Variants in PATJ observed in about 807,000 individuals in gnomAD.
PATJ encodes inaD-like protein.
A neutral mutation model predicts 224.9 loss-of-function variants in PATJ; 190 were observed. The ratio of observed to expected loss-of-function variants is 0.84; its 90% CI spans 0.75 to 0.95. The LOEUF (loss-of-function observed/expected upper bound fraction) is 0.95. PATJ is among the 40% of genes least tolerant of loss of function. The pLI is 0.00. For missense variants in PATJ, 2,121 were observed against 2,270.3 expected (o/e 0.93, Z 1.34); for synonymous variants, 769 against 820.3 (o/e 0.94, Z 1.07).
At chr1:61,900,522 G>T (rs1230485474) in intron 23 of PATJ, among the ~76,000 whole-genome samples, 4 of 152,182 alleles carry the variant, frequency 2.6e-5, no homozygotes, top group African/African-American at 9.7e-5. Context: ...GAGCCACTCA[G>T]TGGCTAATTT....
intron 6 of PATJ, among the ~76,000 whole-genome samples, chr1:61,773,514 C>T (rs955733325): frequency 6.8e-6 from 1 of 148,008 alleles, no homozygotes; most frequent in African/African-American, 2.5e-5. Flanking sequence ...TGGCCAGGCA[C>T]AGTGGCTCAT....
At chr1:61,906,670 G>A (rs1671904572) in intron 24 of PATJ, among the ~76,000 whole-genome samples, 1 of 152,050 alleles carries the variant, frequency 6.6e-6, no homozygotes, top group South Asian at 2.1e-4. Flanking sequence ...TCCTACTGTT[G>A]ATCCTCTTTC....
intron 21 of PATJ, among the ~76,000 whole-genome samples, chr1:61,883,168 T>C (rs1455364345): frequency 2.0e-5 from 3 of 152,206 alleles, no homozygotes; most frequent in African/African-American, 7.2e-5. Flanking sequence ...TTTCTTAACA[T>C]GATAATTGTA....
chr1:62,130,917 G>A (rs1666197883), intron 41 of PATJ, among the ~76,000 whole-genome samples: 1 of 152,158 alleles, frequency 6.6e-6, no homozygotes, highest in African/African-American at 2.4e-5. Context: ...TCTCTGTGGT[G>A]TAAGTCCAAA....
At chr1:61,810,609 A>G (rs2148644645) in intron 14 of PATJ, among the ~76,000 whole-genome samples, 1 of 152,178 alleles carries the variant, frequency 6.6e-6, no homozygotes, top group South Asian at 2.1e-4. Flanking sequence ...AGGGAGGAGA[A>G]TCGCTTGAAC....
At chr1:62,079,343 C>A (rs1235420212) in intron 31 of PATJ, 107 bp from the exon 32 acceptor site, 6 of 676,810 alleles carry the variant, frequency 8.9e-6, no homozygotes, top group Non-Finnish European at 1.6e-5. Context: ...TCTCAAAAGA[C>A]ATCATTGGAC....
At chr1:61,753,673 C>G (rs1295897905) in intron 1 of PATJ, among the ~76,000 whole-genome samples, 1 of 151,848 alleles carries the variant, frequency 6.6e-6, no homozygotes, top group Non-Finnish European at 1.5e-5. Context: ...CCACGTCAAG[C>G]TGATTTTTGT....
At position 62,018,378 on chromosome 1, in the gene PATJ, G is replaced by A. The variant is rs1646899610; in HGVS notation, c.3959+431G>A. ...TTTAAGAGTGCTGGTGAGAAGCTCA[G>A]AGTAGAGAAGATGTTCAGCACTGCT... On this transcript the variant is annotated intron_variant, in intron 29 of 43. Coordinates refer to ENST00000642238, the MANE Select transcript of PATJ (RefSeq NM_001350145.3). This position sits in a 1 kb window ranked among gnomAD's most constrained non-coding sequence, Gnocchi z 4.2. Among the ~76,000 whole-genome samples the A allele has an allele frequency of 6.6e-6, 1 of 152,226 alleles. No individual in the cohort carries two copies. The highest frequency in any genetic ancestry group is 6.5e-5 in the Admixed American group (1 of 15,284).
Position 61,805,531 on chromosome 1 carries a change from TA to T in PATJ, c.1626+11del. On this transcript the variant is annotated splice_region_variant and intron_variant, in intron 13 of 43. Coordinates refer to ENST00000642238, the MANE Select transcript of PATJ (RefSeq NM_001350145.3). Reference sequence around the variant, plus strand: ...TCCTGATTATGAAGTAATGGTATGTTAAAATGCTCTAATAAAAAACATTCAT... The same window carrying T: ...TCCTGATTATGAAGTAATGGTATGTTAAATGCTCTAATAAAAAACATTCAT... 1 of 1,485,444 alleles carries T rather than the reference TA, an allele frequency of 6.7e-7. No homozygotes were observed. The highest frequency in any genetic ancestry group is 9.4e-7 in the Non-Finnish European group (1 of 1,064,590). The allele number at this position is 1,485,444 out of a possible 1,614,324, so 92.0% of individuals were successfully genotyped here.
chr1:62,080,336 T>C (rs1324720358), intron 32 of PATJ, among the ~76,000 whole-genome samples: 1 of 152,008 alleles, frequency 6.6e-6, no homozygotes, highest in Non-Finnish European at 1.5e-5. Context: ...ACTTGCTTTT[T>C]TTTCTTTTTT....
chr1:62,021,878 A>T (rs988719045), intron 29 of PATJ, among the ~76,000 whole-genome samples: 1 of 152,222 alleles, frequency 6.6e-6, no homozygotes, highest in East Asian at 1.9e-4. Flanking sequence ...TAAACTCTGC[A>T]TAACTTGTAC....
At chr1:61,822,429 G>GAAAAAA (rs11427840) in intron 14 of PATJ, among the ~76,000 whole-genome samples, 2 of 116,562 alleles carry the variant, frequency 1.7e-5, no homozygotes, top group African/African-American at 3.4e-5. Flanking sequence ...GACTGTGTCA[G>GAAAAAA]AAAAAAAAAA....
intron 12 of PATJ, 65 bp from the exon 13 acceptor site, chr1:61,805,383 A>T: frequency 1.0e-6 from 1 of 960,068 alleles, no homozygotes; most frequent in Non-Finnish European, 1.7e-6. Context: ...TTTAGCAGTT[A>T]AGTGTGTTTG....
intron 41 of PATJ, among the ~76,000 whole-genome samples, chr1:62,142,387 T>G (rs1667595755): frequency 6.6e-6 from 1 of 152,172 alleles, no homozygotes; most frequent in African/African-American, 2.4e-5. Context: ...ACCTATCTCC[T>G]TGTAACCTCC....
intron 27 of PATJ, among the ~76,000 whole-genome samples, chr1:61,955,796 T>G (rs980497442): frequency 4.6e-5 from 7 of 152,204 alleles, no homozygotes; most frequent in African/African-American, 1.7e-4. Context: ...GCCTGTACTT[T>G]TAAGAAGTTT....
intron 18 of PATJ, among the ~76,000 whole-genome samples, chr1:61,858,011 A>G (rs1273234272): frequency 6.6e-6 from 1 of 152,232 alleles, no homozygotes; most frequent in Non-Finnish European, 1.5e-5. Context: ...GTAAATATAG[A>G]TAGATGTGTT....
rs369818118 is a variant in PATJ at position 61,769,314 on chromosome 1, G to A, written c.416G>A (p.Arg139Gln). 6 of 1,612,744 alleles carry A rather than the reference G, an allele frequency of 3.7e-6. No individual in the cohort carries two copies. The highest frequency in any genetic ancestry group is 2.7e-5 in the African/African-American group (2 of 74,708). The change falls in exon 5 of 44, where the codon CGG becomes CAG. Residue 139 changes from arginine to glutamine, a missense_variant. By Grantham distance (43) the Arg-to-Gln change is conservative (BLOSUM62 1). Transcript: ENST00000642238. ...CAAATTGAATATATAGATATAGAAC[G>A]GCCTTCAACTGGAGGCCTTGGATTC... ...GRQIEYIDIE[R>Q]PSTGGLGFSV...
At chr1:61,862,018 C>T (rs984632967) in intron 19 of PATJ, among the ~76,000 whole-genome samples, 1 of 151,876 alleles carries the variant, frequency 6.6e-6, no homozygotes, top group East Asian at 1.9e-4. Context: ...TGTGCTACCA[C>T]GTCTAGCTAA....
chr1:62,059,568 G>C (rs1007788377), intron 31 of PATJ, among the ~76,000 whole-genome samples: 1 of 151,842 alleles, frequency 6.6e-6, no homozygotes, highest in Admixed American at 6.6e-5. Flanking sequence ...AATGAGCCGA[G>C]ATTGCGCCAG....
Sources: gnomAD v4.1 joint callset for allele counts (sites outside exome capture counted in the v4.1 genomes callset) on GRCh38, gnomAD v4.1.1 for gene constraint, Gnocchi (gnomAD v3.1) non-coding constraint, MANE v1.5 for transcripts, NCBI Gene and HGNC (gene_info 2026-07-23, HGNC 2026-07-21) for gene names.